GINS4: variants seen among roughly 807,000 people sequenced by gnomAD.
GINS4 encodes the protein GINS complex subunit 4, also known as DNA replication complex GINS protein SLD5.
A neutral mutation model predicts 31.1 loss-of-function variants in GINS4; 20 were observed. The observed-to-expected ratio is 0.64, with a 90% CI of 0.45 to 0.93. GINS4 has a LOEUF of 0.93. Among genes scored for constraint, GINS4 ranks in the 40% least tolerant of loss-of-function variants. The probability of loss-of-function intolerance (pLI) is 0.00; values close to 1 mark genes in which losing one functional copy is unlikely to be tolerated. For missense variants in GINS4, 245 were observed against 273.9 expected (o/e 0.89, Z 0.75); for synonymous variants, 85 against 97.9 (o/e 0.87, Z 0.78).
intron 6 of GINS4, chr8:41,540,383 C>G (rs1297417221): frequency 3.8e-6 from 1 of 261,306 alleles, no homozygotes; most frequent in Admixed American, 5.1e-5. Flanking sequence ...ATCTCTTCGT[C>G]ACAGGTCCCA....
At chr8:41,530,474 C>T (rs1469805112) in intron 2 of GINS4, among the ~76,000 whole-genome samples, 176 bp downstream of exon 2, 2 of 152,172 alleles carry the variant, frequency 1.3e-5, no homozygotes, top group African/African-American at 2.4e-5. Flanking sequence ...TGTTAGAGAC[C>T]TCATCATATC....
intron 4 of GINS4, 74 bp downstream of exon 4, chr8:41,537,367 T>C (rs1806760725): frequency 8.7e-7 from 1 of 1,149,734 alleles, no homozygotes; most frequent in African/African-American, 1.5e-5. Context: ...TGGGGAAAAC[T>C]TGGGCTGGGG....
At chr8:41,530,364 C>A in intron 2 of GINS4, 66 bp downstream of exon 2, 1 of 1,137,358 alleles carries the variant, frequency 8.8e-7, no homozygotes, top group Non-Finnish European at 1.3e-6. Flanking sequence ...CTGTGAATAT[C>A]AGGGATCACA....
Position 41,542,783 on chromosome 8 carries a change from C to CTG in GINS4, c.*699_*700dup, listed in dbSNP as rs1255592471. ...AGGCATCAGACATTCCTCAGCAGTG[C>CTG]TGTGGGTCACGGGCGTGAAGCGGAG... On this transcript the variant is annotated 3_prime_UTR_variant, in exon 8 of 8. Coordinates refer to ENST00000276533, the MANE Select transcript of GINS4 (RefSeq NM_032336.3). The CTG allele has an allele frequency of 6.6e-6, 1 of 152,628 alleles. No individual in the cohort carries two copies. The highest frequency in any genetic ancestry group is 2.4e-5 in the African/African-American group (1 of 41,470). 9.5% of individuals were successfully genotyped at this position (152,628 alleles called of 1,614,324 possible). A position where few individuals can be genotyped will look rare whatever the true frequency, so the allele number is the denominator to read the frequency against.
chr8:41,542,409 A>G lies in GINS4; in HGVS notation c.*322A>G. 1 of 366,388 alleles carries G rather than the reference A, an allele frequency of 2.7e-6. No homozygotes were observed. The highest frequency in any genetic ancestry group is 5.9e-5 in the East Asian group (1 of 16,976). The allele number at this position is 366,388 out of a possible 1,614,324, so 22.7% of individuals were successfully genotyped here. On this transcript the variant is annotated 3_prime_UTR_variant, in exon 8 of 8. Transcript: ENST00000276533. ...AAAAAAAAACAAAAAACAAAAAAAAAACAAACTAGGCATAAACTCATGAGG... is the reference window on the plus strand; with the variant it reads ...AAAAAAAAACAAAAAACAAAAAAAAGACAAACTAGGCATAAACTCATGAGG...
intron 4 of GINS4, among the ~76,000 whole-genome samples, chr8:41,539,382 T>C (rs1248771484): frequency 6.6e-6 from 1 of 151,760 alleles, no homozygotes; most frequent in Non-Finnish European, 1.5e-5. Context: ...CAAGGGTCTT[T>C]CACAAAAGAC....
In GINS4 at chr8:41,537,022, G is replaced by A. The variant is rs143231730; in HGVS notation, c.184-158G>A. On this transcript the variant is annotated intron_variant, in intron 3 of 7. Coordinates refer to ENST00000276533, the MANE Select transcript of GINS4 (RefSeq NM_032336.3). Reference sequence around the variant, plus strand: ...CTATTCAAATGGTCATTTTCTAAAAGTAAATGACTATTGTTTGTACTTTAT... The same window carrying A: ...CTATTCAAATGGTCATTTTCTAAAAATAAATGACTATTGTTTGTACTTTAT... 7.2e-4 allele frequency: 425 copies of A among 588,784 alleles called. 4 individuals are homozygous for A. The East Asian group carries it at 0.011, about 16-fold the overall frequency. 36.5% of individuals were successfully genotyped at this position (588,784 alleles called of 1,614,324 possible). A position where few individuals can be genotyped will look rare whatever the true frequency, so the allele number is the denominator to read the frequency against.
Position 41,543,456 on chromosome 8 carries a change from T to A in GINS4, c.*1369T>A, listed in dbSNP as rs1806879346. 1 of 152,166 alleles carries A rather than the reference T, an allele frequency of 6.6e-6. No individual in the cohort carries two copies. Among genetic ancestry groups the A allele is most frequent in the African/African-American group, 2.4e-5 (1 of 41,440 alleles). The allele number at this position is 152,166 out of a possible 1,614,324, so 9.4% of individuals were successfully genotyped here. On this transcript the variant is annotated 3_prime_UTR_variant, in exon 8 of 8. Transcript: ENST00000276533. ...CGCTTTTCTGGTTTAAGTCCTTCAC[T>A]TTTTCAAGAGGAATGGATGAAATTA...
chr8:41,544,442 C>A lies in GINS4; in HGVS notation c.*2355C>A, dbSNP rs1447661146. On this transcript the variant is annotated 3_prime_UTR_variant, in exon 8 of 8. Coordinates refer to ENST00000276533, the MANE Select transcript of GINS4 (RefSeq NM_032336.3). ...GTAGTGCTAAGCCCAGAGACCTGAG[C>A]TGTTAACCTAGAACAGTGTGCTTCC... 1 of 152,216 alleles carries A rather than the reference C, an allele frequency of 6.6e-6. No individual in the cohort carries two copies. The highest frequency in any genetic ancestry group is 1.5e-5 in the Non-Finnish European group (1 of 68,054). 9.4% of individuals were successfully genotyped at this position (152,216 alleles called of 1,614,324 possible). A position where few individuals can be genotyped will look rare whatever the true frequency, so the allele number is the denominator to read the frequency against.
chr8:41,543,643 A>C lies in GINS4; in HGVS notation c.*1556A>C, dbSNP rs1806882954. 1 of 152,118 alleles carries C rather than the reference A, an allele frequency of 6.6e-6. No individual in the cohort carries two copies. The highest frequency in any genetic ancestry group is 1.5e-5 in the Non-Finnish European group (1 of 68,024). 9.4% of individuals were successfully genotyped at this position (152,118 alleles called of 1,614,324 possible). On this transcript the variant is annotated 3_prime_UTR_variant, in exon 8 of 8. Transcript: ENST00000276533. ...TTTGCAGGGTATGGGCTGCGAGAGT[A>C]ATCAGGGTAACATTGCTGTCATTTC...
intron 6 of GINS4, among the ~76,000 whole-genome samples, chr8:41,541,185 T>G (rs1056846919): frequency 4.6e-5 from 7 of 152,118 alleles, no homozygotes; most frequent in African/African-American, 1.7e-4. Flanking sequence ...TCCTCCCACC[T>G]CAGCTTCCCA....
At chr8:41,534,282 C>A in intron 2 of GINS4, 2 of 417,906 alleles carry the variant, frequency 4.8e-6, no homozygotes, top group Non-Finnish European at 9.6e-6. Flanking sequence ...TGGTATGTAC[C>A]TTTAGTCCCA....
At position 41,544,751 on chromosome 8, in the gene GINS4, TAAAA is replaced by T. The variant is rs11322129; in HGVS notation, c.*2673_*2676del. On this transcript the variant is annotated 3_prime_UTR_variant, in exon 8 of 8. Transcript: ENST00000276533. ...TGTATATGAATAAATTTTTGCAAAT[TAAAA>T]AAAAAAAAGATGTAGGTTCTGAAAC... 6.7e-6 allele frequency: 1 copy of T among 148,316 alleles called. No individual in the cohort carries two copies. 9.2% of individuals were successfully genotyped at this position (148,316 alleles called of 1,614,324 possible).
At position 41,544,383 on chromosome 8, in the gene GINS4, A is replaced by G. The variant is rs540097764; in HGVS notation, c.*2296A>G. 1.3e-5 allele frequency: 2 copies of G among 152,356 alleles called. No individual in the cohort carries two copies. The highest frequency in any genetic ancestry group is 1.9e-4 in the East Asian group (1 of 5,180). 9.4% of individuals were successfully genotyped at this position (152,356 alleles called of 1,614,324 possible). A position where few individuals can be genotyped will look rare whatever the true frequency, so the allele number is the denominator to read the frequency against. On this transcript the variant is annotated 3_prime_UTR_variant, in exon 8 of 8. Coordinates refer to ENST00000276533, the MANE Select transcript of GINS4 (RefSeq NM_032336.3). ...ATTTAGTGGTAAGCCTGAGATCAGA[A>G]CCCAAGTCTGCACTTCCTAGTCACG...
intron 4 of GINS4, 74 bp from the exon 5 acceptor site, chr8:41,539,604 C>T (rs1202989459): frequency 9.2e-7 from 1 of 1,087,702 alleles, no homozygotes; most frequent in South Asian, 1.4e-5. Flanking sequence ...TGTGTAAACC[C>T]TCTTTATGTT....
chr8:41,537,399 A>T (rs2150459676), intron 4 of GINS4, 106 bp downstream of exon 4: 1 of 723,290 alleles, frequency 1.4e-6, no homozygotes, highest in South Asian at 1.7e-5. Flanking sequence ...CCAGGACCTG[A>T]AGATGCTGCT....
chr8:41,542,400 C>CAAA lies in GINS4; in HGVS notation c.*321_*323dup. 1.3e-5 allele frequency: 4 copies of CAAA among 303,416 alleles called. No homozygotes were observed. Among genetic ancestry groups the CAAA allele is most frequent in the South Asian group, 3.9e-5 (1 of 25,682 alleles). 18.8% of individuals were successfully genotyped at this position (303,416 alleles called of 1,614,324 possible). ...TTGTCTCAAAAAAAAAAACAAAAAA[C>CAAA]AAAAAAAAAACAAACTAGGCATAAA... On this transcript the variant is annotated 3_prime_UTR_variant, in exon 8 of 8. Transcript: ENST00000276533.
intron 6 of GINS4, among the ~76,000 whole-genome samples, chr8:41,541,548 A>G (rs113344132): frequency 0.027 from 4,075 of 152,212 alleles, 143 homozygotes; most frequent in African/African-American, 0.085. Flanking sequence ...AGCCCATAAC[A>G]CCAGGAGCAA....
In GINS4 at chr8:41,539,784, G is replaced by A; in HGVS notation, c.395+9G>A. Reference sequence around the variant, plus strand: ...TTGGCCTTTGCCAGAGAGTGAGTGAGTGAGCCGTTGGCGTGGGGCACCTGG... The same window carrying A: ...TTGGCCTTTGCCAGAGAGTGAGTGAATGAGCCGTTGGCGTGGGGCACCTGG... On this transcript the variant is annotated intron_variant, in intron 5 of 7. Transcript: ENST00000276533. 6.2e-7 allele frequency: 1 copy of A among 1,611,916 alleles called. No homozygotes were observed.
Sources: gnomAD v4.1 joint callset for allele counts (sites outside exome capture counted in the v4.1 genomes callset) on GRCh38, gnomAD v4.1.1 for gene constraint, MANE v1.5 for transcripts, NCBI Gene and HGNC (gene_info 2026-07-23, HGNC 2026-07-21) for gene names.